MCF2L: variants seen among roughly 807,000 people sequenced by gnomAD.
MCF2L encodes the protein MCF.2 cell line derived transforming sequence like.
A neutral mutation model predicts 153.4 loss-of-function variants in MCF2L; 97 were observed. That is an observed-to-expected ratio of 0.63 (90% CI 0.54 to 0.75). MCF2L has a LOEUF of 0.75. Ranked by LOEUF, MCF2L falls within the 30% of genes least tolerant of loss-of-function variation. The pLI is 0.00. For missense variants in MCF2L, 1,347 were observed against 1,495.2 expected (o/e 0.90, Z 1.64); for synonymous variants, 659 against 632.2 (o/e 1.04, Z -0.64).
chr13:112,936,550 G>C (rs982448310), intron 2 of MCF2L, among the ~76,000 whole-genome samples: 2 of 152,104 alleles, frequency 1.3e-5, no homozygotes, highest in Non-Finnish European at 2.9e-5. Context: ...GGTGACAAGG[G>C]GTGTGATTTA....
chr13:112,913,714 C>G (rs1343350678), intron 2 of MCF2L, among the ~76,000 whole-genome samples: 1 of 150,042 alleles, frequency 6.7e-6, no homozygotes, highest in African/African-American at 2.5e-5. Flanking sequence ...TGGATCACGG[C>G]TGCCCCAGGG....
At chr13:113,076,350 C>T (rs571448313) in intron 12 of MCF2L, among the ~76,000 whole-genome samples, 193 bp downstream of exon 12, 25 of 152,214 alleles carry the variant, frequency 1.6e-4, no homozygotes, top group Middle Eastern at 6.8e-3. Context: ...CTGCAATCTC[C>T]GCCTCCCAGG....
Position 113,070,403 on chromosome 13 carries a change from C to A in MCF2L, c.996+230C>A. On this transcript the variant is annotated intron_variant, in intron 9 of 29. Coordinates refer to ENST00000535094, the MANE Select transcript of MCF2L (RefSeq NM_001112732.3). This position sits in a 1 kb window ranked among gnomAD's most constrained non-coding sequence, Gnocchi z 5.6. The stretch of plus-strand genomic sequence containing the variant: ...ATAGAAAGGTGATTGAAAATCAGCT[C>A]ACTGGGATGCACTTACACTGCATTA... The A allele has an allele frequency of 2.8e-6, 1 of 356,904 alleles. No homozygotes were observed. Among genetic ancestry groups the A allele is most frequent in the South Asian group, 4.0e-5 (1 of 25,200 alleles). The allele number at this position is 356,904 out of a possible 1,614,324, so 22.1% of individuals were successfully genotyped here.
chr13:112,933,088 A>G (rs1216474483), intron 2 of MCF2L, among the ~76,000 whole-genome samples: 1 of 152,152 alleles, frequency 6.6e-6, no homozygotes, highest in Non-Finnish European at 1.5e-5. Context: ...AAAGAAAGAA[A>G]CGAACTTAAC....
intron 3 of MCF2L, among the ~76,000 whole-genome samples, chr13:113,034,565 C>T (rs1290840797): frequency 1.3e-5 from 2 of 151,740 alleles, no homozygotes; most frequent in African/African-American, 4.8e-5. Context: ...GTCTCACCCT[C>T]GCCCTCACCT....
chr13:112,900,459 C>T (rs1019003972), intron 1 of MCF2L, among the ~76,000 whole-genome samples: 12 of 152,342 alleles, frequency 7.9e-5, no homozygotes, highest in African/African-American at 2.9e-4. Flanking sequence ...GTATGAAAAA[C>T]CACACAGGAG....
At chr13:113,020,924 AGT>A (rs1250196407) in intron 2 of MCF2L, among the ~76,000 whole-genome samples, 1 of 151,366 alleles carries the variant, frequency 6.6e-6, no homozygotes, top group Non-Finnish European at 1.5e-5. Flanking sequence ...GTGTATGTGT[AGT>A]GTGTATGCAT....
intron 27 of MCF2L, chr13:113,095,368 G>C (rs1469669773): frequency 8.8e-7 from 1 of 1,141,298 alleles, no homozygotes; most frequent in Admixed American, 4.6e-5. Flanking sequence ...CTCCCACAGA[G>C]ACAGCATGAA....
Position 112,960,292 on chromosome 13 carries a change from C to G in MCF2L, c.170-54471C>G, listed in dbSNP as rs571252400. Among the ~76,000 whole-genome samples the G allele has an allele frequency of 6.6e-6, 1 of 152,104 alleles. No individual in the cohort carries two copies. Among genetic ancestry groups the G allele is most frequent in the Non-Finnish European group, 1.5e-5 (1 of 68,016 alleles). On this transcript the variant is annotated intron_variant, in intron 2 of 29. Transcript: ENST00000375608. The surrounding 1 kb of genome is among the most constrained non-coding windows in gnomAD (Gnocchi z 4.2). ...AGAGAGCGGAGAGACCGAGAGGGGG[C>G]CAAGCGCGCTCTCACAACTGAAACA...
chr13:112,961,040 C>T (rs2081818924), intron 2 of MCF2L, among the ~76,000 whole-genome samples: 1 of 152,020 alleles, frequency 6.6e-6, no homozygotes, highest in Admixed American at 6.5e-5. Context: ...TGTTGGGGTC[C>T]TCCCTGACCC....
intron 1 of MCF2L, among the ~76,000 whole-genome samples, 174 bp from the exon 2 acceptor site, chr13:113,014,589 C>A (rs902968172): frequency 1.3e-5 from 2 of 152,196 alleles, no homozygotes; most frequent in African/African-American, 4.8e-5. Context: ...AGCTTTTATG[C>A]GCTGAGAAAC....
intron 2 of MCF2L, among the ~76,000 whole-genome samples, chr13:112,915,790 T>G (rs1240927567): frequency 6.6e-6 from 1 of 152,188 alleles, no homozygotes; most frequent in Non-Finnish European, 1.5e-5. Flanking sequence ...GTAGTAGTAG[T>G]GATGTTCAGG....
intron 1 of MCF2L, among the ~76,000 whole-genome samples, chr13:112,978,331 G>T (rs767032732): frequency 6.6e-6 from 1 of 152,180 alleles, no homozygotes; most frequent in African/African-American, 2.4e-5. Context: ...TTCAGGGGAC[G>T]GCAGCCTTGG....
chr13:112,902,414 C>A, intron 2 of MCF2L: 1 of 1,585,428 alleles, frequency 6.3e-7, no homozygotes, highest in South Asian at 1.1e-5. Context: ...TTGCAGGTCT[C>A]ACTGCTGATC....
intron 26 of MCF2L, chr13:113,090,320 A>G (rs560199802): frequency 8.3e-7 from 1 of 1,208,664 alleles, no homozygotes; most frequent in South Asian, 1.6e-5. Context: ...GCGCACAGAC[A>G]CCAGAGTTAT....
At chr13:112,916,732 A>G (rs2081295902) in intron 2 of MCF2L, among the ~76,000 whole-genome samples, 1 of 152,084 alleles carries the variant, frequency 6.6e-6, no homozygotes, top group Admixed American at 6.5e-5. Context: ...AGTGGTCCTT[A>G]GAGTGGTCCT....
At chr13:112,899,000 C>T (rs893758481) in intron 1 of MCF2L, among the ~76,000 whole-genome samples, 1 of 152,226 alleles carries the variant, frequency 6.6e-6, no homozygotes, top group African/African-American at 2.4e-5. Context: ...GCCGGGTCTG[C>T]CCCCGCTTGG....
At chr13:112,987,601 C>T (rs1232436781) in intron 1 of MCF2L, among the ~76,000 whole-genome samples, 1 of 152,136 alleles carries the variant, frequency 6.6e-6, no homozygotes, top group Admixed American at 6.5e-5. Flanking sequence ...GCGCTGCATG[C>T]AACGTTTTCA....
At chr13:113,030,575 G>A (rs1032974160) in intron 3 of MCF2L, among the ~76,000 whole-genome samples, 5 of 149,134 alleles carry the variant, frequency 3.4e-5, no homozygotes, top group East Asian at 2.0e-4. Context: ...TCGGGTGTCC[G>A]CCGACGCAGG....
Sources: gnomAD v4.1 joint callset for allele counts (sites outside exome capture counted in the v4.1 genomes callset) on GRCh38, gnomAD v4.1.1 for gene constraint, Gnocchi (gnomAD v3.1) non-coding constraint, MANE v1.5 for transcripts, NCBI Gene and HGNC (gene_info 2026-07-23, HGNC 2026-07-21) for gene names.